Variants in CACNG5 observed in about 807,000 individuals in gnomAD.
CACNG5 encodes the protein calcium voltage-gated channel auxiliary subunit gamma 5, also known as voltage-dependent calcium channel gamma-5 subunit.
A neutral mutation model predicts 24.8 loss-of-function variants in CACNG5; 18 were observed. That is an observed-to-expected ratio of 0.73 (90% CI 0.50 to 1.08). The LOEUF (loss-of-function observed/expected upper bound fraction) is 1.08. Among genes scored for constraint, CACNG5 ranks in the 50% least tolerant of loss-of-function variants. The pLI is 0.00. For missense variants in CACNG5, 349 were observed against 367.9 expected (o/e 0.95, Z 0.42); for synonymous variants, 157 against 149.1 (o/e 1.05, Z -0.39).
At chr17:66,845,926 A>G (rs1976633939) in intron 1 of CACNG5, among the ~76,000 whole-genome samples, 1 of 152,172 alleles carries the variant, frequency 6.6e-6, no homozygotes, top group Admixed American at 6.5e-5. Flanking sequence ...GTGCAGTTGT[A>G]AGACCTTAAG....
At chr17:66,880,418 G>A (rs1378298533) in intron 3 of CACNG5, 139 bp from the exon 4 acceptor site, 3 of 958,304 alleles carry the variant, frequency 3.1e-6, no homozygotes, top group Non-Finnish European at 4.7e-6. Flanking sequence ...ACCTGATGGG[G>A]GTAGAGTCTG....
At chr17:66,850,409 G>A (rs1976697770) in intron 1 of CACNG5, among the ~76,000 whole-genome samples, 2 of 152,162 alleles carry the variant, frequency 1.3e-5, no homozygotes, top group African/African-American at 4.8e-5. Context: ...GCAAAAGCCT[G>A]GGGCAGGCTG....
chr17:66,866,215 A>G (rs565298648), intron 1 of CACNG5, among the ~76,000 whole-genome samples: 2 of 152,300 alleles, frequency 1.3e-5, no homozygotes, highest in East Asian at 1.9e-4. Context: ...TGCAGAAAAT[A>G]TTTATGCTAT....
At chr17:66,877,709 G>A (rs1235066502) in intron 2 of CACNG5, among the ~76,000 whole-genome samples, 181 bp downstream of exon 2, 1 of 152,184 alleles carries the variant, frequency 6.6e-6, no homozygotes, top group African/African-American at 2.4e-5. Flanking sequence ...CTCAAGTCCT[G>A]ATTCTCGATG....
intron 1 of CACNG5, 96 bp from the exon 2 acceptor site, chr17:66,877,134 C>T (rs1485142123): frequency 8.9e-6 from 5 of 561,870 alleles, no homozygotes; most frequent in Non-Finnish European, 1.6e-5. Flanking sequence ...TTGCAGTGAC[C>T]TGGTGTCCAG....
At position 66,877,525 on chromosome 17, in the gene CACNG5, G is replaced by T. The variant is rs773990201; in HGVS notation, c.193G>T (p.Ala65Ser). 6.2e-7 allele frequency: 1 copy of T among 1,613,080 alleles called. No homozygotes were observed. The highest frequency in any genetic ancestry group is 1.3e-5 in the African/African-American group (1 of 74,826). Reference protein sequence around the residue: ...HSGLWRVCFLAGEERGRCFTI... With the variant: ...HSGLWRVCFLSGEERGRCFTI... ...AGGCCTCTGGCGGGTCTGCTTCCTT[G>T]CAGGTAAGGGTGCCCAGGGTTGGGG... Residue 65 changes from alanine (A) to serine (S), a missense_variant, in exon 2 of 6, where the codon GCA (alanine) becomes TCA (serine). By Grantham distance (99) the Ala-to-Ser change is moderately conservative. Transcript: ENST00000533854.
intron 1 of CACNG5, among the ~76,000 whole-genome samples, chr17:66,869,047 C>T (rs1231934999): frequency 6.6e-6 from 1 of 152,038 alleles, no homozygotes; most frequent in Non-Finnish European, 1.5e-5. Context: ...TGTTGTTTAT[C>T]GCTCTTTGGG....
rs374049579 is a variant in CACNG5, at chr17:66,885,250, G to T, written c.*10G>T. The stretch of plus-strand genomic sequence containing the variant: ...CTCTTCACCCTGCTGAGCCTCGGCC[G>T]CCCCCATCCCTGGACTGTGGGTGGC... On this transcript the variant is annotated 3_prime_UTR_variant, in exon 6 of 6. Transcript: ENST00000533854. 1.3e-5 allele frequency: 20 copies of T among 1,565,504 alleles called. No individual in the cohort carries two copies. The highest frequency in any genetic ancestry group is 2.4e-5 in the South Asian group (2 of 84,158).
intron 1 of CACNG5, among the ~76,000 whole-genome samples, chr17:66,858,955 C>T (rs899290165): frequency 3.3e-5 from 5 of 152,198 alleles, no homozygotes; most frequent in African/African-American, 1.2e-4. Context: ...ACAGCAACCG[C>T]ACCCTCCAAG....
chr17:66,884,114 AAG>A (rs1977208479), intron 4 of CACNG5, among the ~76,000 whole-genome samples: 1 of 151,272 alleles, frequency 6.6e-6, no homozygotes, highest in Non-Finnish European at 1.5e-5. Flanking sequence ...CCTAGGCGAC[AAG>A]AGTGAAAATC....
At chr17:66,840,054 A>T (rs111403600) in intron 1 of CACNG5, among the ~76,000 whole-genome samples, 5,843 of 152,196 alleles carry the variant, frequency 0.038, 133 homozygotes, top group Non-Finnish European at 0.059. Context: ...GTGGCCTTAG[A>T]CGAGCCACAG....
At chr17:66,863,057 C>A (rs1446902854) in intron 1 of CACNG5, among the ~76,000 whole-genome samples, 4 of 151,930 alleles carry the variant, frequency 2.6e-5, no homozygotes, top group African/African-American at 2.4e-5. Flanking sequence ...TATTTGCATT[C>A]TTTTTCCACT....
chr17:66,837,080 A>T (rs1203532990), intron 1 of CACNG5, among the ~76,000 whole-genome samples: 2 of 152,222 alleles, frequency 1.3e-5, no homozygotes, highest in African/African-American at 2.4e-5. Context: ...CACCTGTAAG[A>T]TGGGTCTGGC....
chr17:66,842,970 T>C (rs893931035), intron 1 of CACNG5, among the ~76,000 whole-genome samples: 1 of 152,208 alleles, frequency 6.6e-6, no homozygotes, highest in African/African-American at 2.4e-5. Flanking sequence ...AAGCACTGTC[T>C]TCAGTCCTGC....
In CACNG5 at chr17:66,887,022, T is replaced by C. The variant is rs1424504538; in HGVS notation, c.*1782T>C. ...GGTCCATCCCCGATTAATTGGTGGT[T>C]AATTTTCATGAAATAACCTCTTTAA... is the stretch of plus-strand genomic sequence containing the variant. On this transcript the variant is annotated 3_prime_UTR_variant, in exon 6 of 6. Transcript: ENST00000533854. 6.6e-6 allele frequency among the ~76,000 whole-genome samples: 1 copy of C among 152,206 alleles called. No homozygotes were observed. Among genetic ancestry groups the C allele is most frequent in the African/African-American group, 2.4e-5 (1 of 41,440 alleles).
chr17:66,872,682 T>G (rs191285892), intron 1 of CACNG5, among the ~76,000 whole-genome samples: 249 of 152,332 alleles, frequency 1.6e-3, no homozygotes, highest in Non-Finnish European at 3.0e-3. Context: ...ACTTCTCCCC[T>G]CTGGATCTTG....
At chr17:66,884,833 T>G in intron 5 of CACNG5, 150 bp from the exon 6 acceptor site, 1 of 1,613,062 alleles carries the variant, frequency 6.2e-7, no homozygotes, top group South Asian at 1.1e-5. Flanking sequence ...CCTTTCTGGG[T>G]CTCCTCCGGC....
At chr17:66,873,639 A>C (rs960250777) in intron 1 of CACNG5, among the ~76,000 whole-genome samples, 1 of 152,202 alleles carries the variant, frequency 6.6e-6, no homozygotes, top group African/African-American at 2.4e-5. Context: ...TTGCTTAATA[A>C]CAATACCTTA....
At position 66,888,270 on chromosome 17, in the gene CACNG5, C is replaced by A. The variant is rs1472867918; in HGVS notation, c.*3030C>A. Among the ~76,000 whole-genome samples, 2 of 146,602 alleles carry A rather than the reference C, an allele frequency of 1.4e-5. No homozygotes were observed. The highest frequency in any genetic ancestry group is 2.5e-5 in the African/African-American group (1 of 39,512). On this transcript the variant is annotated 3_prime_UTR_variant, in exon 6 of 6. Transcript: ENST00000533854. Reference sequence around the variant, plus strand: ...AGAGTTAAAGAAAGAGGAGGCCTGGCGCAGTGGCTCATGCCTGTAATCCCA... The same window carrying A: ...AGAGTTAAAGAAAGAGGAGGCCTGGAGCAGTGGCTCATGCCTGTAATCCCA...
Sources: allele counts gnomAD v4.1 joint callset (sites outside exome capture counted in the v4.1 genomes callset), GRCh38; gene constraint gnomAD v4.1.1; transcripts MANE v1.5; gene names NCBI Gene and HGNC (gene_info 2026-07-23, HGNC 2026-07-21).